The following CD96 variants were observed in gnomAD, a reference collection of about 807,000 sequenced individuals.
CD96 encodes CD96 molecule.
A neutral mutation model predicts 71.3 loss-of-function variants in CD96; 70 were observed. The ratio of observed to expected loss-of-function variants is 0.98; its 90% CI spans 0.81 to 1.20. The LOEUF is 1.20. CD96 is among the 50% of genes most tolerant of loss of function. The pLI is 0.00. For synonymous variants in CD96, 248 were observed against 233.0 expected, an observed-to-expected ratio of 1.06 and a Z score of -0.59; for missense variants, 742 against 677.5, an observed-to-expected ratio of 1.10 and a Z score of -1.06.
At chr3:111,582,706 G>A (rs1936523864) in intron 4 of CD96, among the ~76,000 whole-genome samples, 1 of 152,156 alleles carries the variant, frequency 6.6e-6, no homozygotes, top group Non-Finnish European at 1.5e-5. Context: ...TTACATGGCA[G>A]CAGCAACAGA....
rs138334089 is a variant in CD96, at chr3:111,593,666, C to T, written c.808-4454C>T. The stretch of plus-strand genomic sequence containing the variant: ...GGCCCTTTCCACCTCCTCCAGGGCT[C>T]GCTCCCTTTTTTCCACAGCCCTCTC... On this transcript the variant is annotated intron_variant, in intron 5 of 13. Coordinates refer to ENST00000352690, the MANE Select transcript of CD96 (RefSeq NM_005816.5). 3.2e-5 allele frequency: 52 copies of T among 1,610,688 alleles called. No individual in the cohort carries two copies. The highest frequency in any genetic ancestry group is 1.9e-4 in the African/African-American group (14 of 74,880).
chr3:111,584,987 A>G (rs2107601610), intron 4 of CD96, among the ~76,000 whole-genome samples: 1 of 152,302 alleles, frequency 6.6e-6, no homozygotes, highest in Admixed American at 6.5e-5. Flanking sequence ...AGGTTAGGTT[A>G]GAAAATTTAT....
chr3:111,619,779 T>C (rs1273859038), intron 8 of CD96, among the ~76,000 whole-genome samples: 1 of 152,208 alleles, frequency 6.6e-6, no homozygotes, highest in Non-Finnish European at 1.5e-5. Flanking sequence ...TCAGACATGT[T>C]CTTATATAGT....
At chr3:111,544,131 C>T (rs1934257313) in intron 1 of CD96, among the ~76,000 whole-genome samples, 1 of 151,958 alleles carries the variant, frequency 6.6e-6, no homozygotes, top group Non-Finnish European at 1.5e-5. Context: ...GGAGGTGTGA[C>T]TTTTTTTGTT....
intron 14 of CD96, among the ~76,000 whole-genome samples, chr3:111,662,289 G>A (rs984120915): frequency 1.1e-4 from 16 of 152,238 alleles, no homozygotes; most frequent in Non-Finnish European, 5.9e-5. Flanking sequence ...CCAGGCCTGT[G>A]ATGAAAGGTG....
Position 111,579,054 on chromosome 3 carries a change from A to G in CD96, c.571A>G (p.Ile191Val). ...VEDNGTQETL[I>V]SQNHLISNST... Reference sequence around the variant, plus strand: ...GGATAATGGAACTCAGGAAACACTTATCTCCCAAAATCACCTCATCAGCAA... The same window carrying G: ...GGATAATGGAACTCAGGAAACACTTGTCTCCCAAAATCACCTCATCAGCAA... The change falls in exon 4 of 14, where the codon ATC (isoleucine) becomes GTC (valine). Residue 191 changes from isoleucine to valine, a missense_variant. Transcript: ENST00000352690. 1 of 1,608,418 alleles carries G rather than the reference A, an allele frequency of 6.2e-7. No homozygotes were observed. The highest frequency in any genetic ancestry group is 8.5e-7 in the Non-Finnish European group (1 of 1,174,754).
intron 3 of CD96, among the ~76,000 whole-genome samples, chr3:111,573,297 C>T (rs1936070843): frequency 1.3e-5 from 2 of 152,148 alleles, no homozygotes; most frequent in African/African-American, 2.4e-5. Context: ...GTCCAATAAA[C>T]ATATATGAAT....
chr3:111,594,212 C>T, intron 5 of CD96: 1 of 1,574,502 alleles, frequency 6.4e-7, no homozygotes, highest in Admixed American at 1.8e-5. Context: ...GTCACCTCTT[C>T]TACAGCGTTC....
chr3:111,604,245 G>T (rs1440228239), intron 7 of CD96, among the ~76,000 whole-genome samples: 1 of 152,116 alleles, frequency 6.6e-6, no homozygotes. Flanking sequence ...TGAGAGCCCT[G>T]CCAAGCCTAC....
intron 10 of CD96, among the ~76,000 whole-genome samples, chr3:111,632,722 A>T (rs535905005): frequency 6.6e-6 from 1 of 152,342 alleles, no homozygotes; most frequent in East Asian, 1.9e-4. Flanking sequence ...ATCAACCTAA[A>T]TGCCCATCAA....
At chr3:111,661,162 G>C (rs1250861827) in intron 14 of CD96, among the ~76,000 whole-genome samples, 1 of 152,088 alleles carries the variant, frequency 6.6e-6, no homozygotes, top group East Asian at 1.9e-4. Context: ...AGGGGAAAGT[G>C]CTACACACTT....
chr3:111,630,852 A>T (rs1939024800), intron 10 of CD96, among the ~76,000 whole-genome samples: 1 of 152,256 alleles, frequency 6.6e-6, no homozygotes, highest in Non-Finnish European at 1.5e-5. Flanking sequence ...GGCTGGTTCT[A>T]CATACACTAA....
chr3:111,612,834 TC>T, intron 8 of CD96: 1 of 977,078 alleles, frequency 1.0e-6, no homozygotes, highest in South Asian at 4.7e-5. Context: ...ACCAGTGTTT[TC>T]CTGAGACATG....
At chr3:111,571,541 T>A (rs1272995534) in intron 3 of CD96, among the ~76,000 whole-genome samples, 2 of 152,002 alleles carry the variant, frequency 1.3e-5, no homozygotes, top group Non-Finnish European at 2.9e-5. Flanking sequence ...TTAGAGTAAA[T>A]GAATGCCAGA....
At chr3:111,642,612 G>T in intron 12 of CD96, among the ~76,000 whole-genome samples, 1 of 152,066 alleles carries the variant, frequency 6.6e-6, no homozygotes, top group Middle Eastern at 3.4e-3. Flanking sequence ...TTCACGACCC[G>T]CCTGGCCAAG....
intron 4 of CD96, 167 bp downstream of exon 4, chr3:111,579,401 G>T (rs576354901): frequency 2.9e-6 from 2 of 689,546 alleles, no homozygotes; most frequent in African/African-American, 1.8e-5. Flanking sequence ...GGGGATGAGG[G>T]TAGGATGCTA....
downstream of CD96, among the ~76,000 whole-genome samples, chr3:111,656,809 A>C (rs571726264): frequency 6.6e-6 from 1 of 152,316 alleles, no homozygotes; most frequent in Non-Finnish European, 1.5e-5. Context: ...AAATTAAAAA[A>C]ATGAAATATG....
intron 10 of CD96, among the ~76,000 whole-genome samples, chr3:111,629,379 G>A (rs1206541742): frequency 1.3e-5 from 2 of 151,764 alleles, no homozygotes; most frequent in Non-Finnish European, 2.9e-5. Context: ...CTCTGACAAA[G>A]CATACTTTAA....
rs146274820 is a variant in CD96 at position 111,607,876 on chromosome 3, G to A, written c.1180+1084G>A. ...CTTTTTCTTCTACTTTTAACTCACT[G>A]CCGGTTAATCATGGCATTTTTCATT... On this transcript the variant is annotated intron_variant, in intron 8 of 13. Coordinates refer to ENST00000352690, the MANE Select transcript of CD96 (RefSeq NM_005816.5). Among the ~76,000 whole-genome samples the A allele has an allele frequency of 1.4e-3, 206 of 151,964 alleles. 1 individual carries two copies. Among genetic ancestry groups the A allele is most frequent in the African/African-American group, 4.8e-3 (197 of 41,404 alleles).
Sources: gnomAD v4.1 joint callset for allele counts (sites outside exome capture counted in the v4.1 genomes callset) on GRCh38, gnomAD v4.1.1 for gene constraint, MANE v1.5 for transcripts, NCBI Gene and HGNC (gene_info 2026-07-23, HGNC 2026-07-21) for gene names.